The following CISD2 variants were observed in gnomAD, a reference collection of about 807,000 sequenced individuals.
CISD2 encodes CDGSH iron sulfur domain 2.
In CISD2, 1 loss-of-function variant was observed where a neutral mutation model predicts 12.9. The observed-to-expected ratio is 0.08, with a 90% confidence interval of 0.03 to 0.37. CISD2 has a LOEUF of 0.37. Ranked by LOEUF, CISD2 falls within the 10% of genes least tolerant of loss-of-function variation. The pLI is 0.99. For missense variants in CISD2, 97 were observed against 163.1 expected (o/e 0.59, Z 2.21); for synonymous variants, 50 against 60.6 (o/e 0.83, Z 0.81).
chr4:102,885,251 G>A lies in CISD2; in HGVS notation c.139G>A (p.Val47Ile). The A allele has an allele frequency of 1.9e-6, 3 of 1,614,062 alleles. No homozygotes were observed. Among genetic ancestry groups the A allele is most frequent in the Non-Finnish European group, 2.5e-6 (3 of 1,179,964 alleles). ...EWLRLLPFLG[V>I]LALLGYLAVR... ...GCTTCGGTTATTGCCTTTCCTTGGTGTACTCGCACTTCTTGGCTACCTTGC... is the reference window on the plus strand; with the variant it reads ...GCTTCGGTTATTGCCTTTCCTTGGTATACTCGCACTTCTTGGCTACCTTGC... Residue 47 changes from valine (V) to isoleucine (I), a missense_variant, in exon 2 of 3, where the codon GTA (valine) becomes ATA (isoleucine). Physicochemically the swap from Val to Ile is conservative, Grantham distance 29 (BLOSUM62 3). Around this residue, in one of 2 missense-constraint regions of CISD2, gnomAD observed 89 missense variants for 114.4 expected, o/e 0.78. Transcript: ENST00000273986.
chr4:102,869,093 G>A lies in CISD2; in HGVS notation c.9G>A (p.Leu3=). The A allele has an allele frequency of 6.2e-7, 1 of 1,611,004 alleles. No homozygotes were observed. Among genetic ancestry groups the A allele is most frequent in the Non-Finnish European group, 8.5e-7 (1 of 1,178,898 alleles). ...GGACGCCGCTGGCCAGGATGGTGCT[G>A]GAGAGCGTGGCCCGTATCGTGAAGG... is the stretch of plus-strand genomic sequence containing the variant. MV[L]ESVARIVKVQ... is the part of the protein sequence containing the mutation. Residue 3 remains leucine (L), a synonymous_variant, in exon 1 of 3, where the codon CTG becomes CTA. Coordinates refer to ENST00000273986, the MANE Select transcript of CISD2 (RefSeq NM_001008388.5).
rs1734262512 is a variant in CISD2, at chr4:102,891,848, A to G, written c.*4418A>G. The G allele has an allele frequency of 6.6e-6, 1 of 152,210 alleles. No homozygotes were observed. 9.4% of individuals were successfully genotyped at this position (152,210 alleles called of 1,614,324 possible). On this transcript the variant is annotated 3_prime_UTR_variant, in exon 3 of 3. Transcript: ENST00000273986. ...ATTAAAAATCATGTTTAAAAACCAC[A>G]TGTGCAGCAGTTCTGTGACTCCCTC...
chr4:102,875,569 G>A (rs1484777930), intron 1 of CISD2, among the ~76,000 whole-genome samples: 1 of 152,160 alleles, frequency 6.6e-6, no homozygotes, highest in Non-Finnish European at 1.5e-5. Flanking sequence ...TTATTCATAA[G>A]CCATGAACAA....
chr4:102,871,484 T>G (rs1440630024), intron 1 of CISD2, among the ~76,000 whole-genome samples: 1 of 152,204 alleles, frequency 6.6e-6, no homozygotes, highest in Non-Finnish European at 1.5e-5. Context: ...CTCATTTTAT[T>G]GCTGGTTTAT....
intron 1 of CISD2, among the ~76,000 whole-genome samples, chr4:102,883,806 T>C (rs972008851): frequency 6.6e-6 from 1 of 152,246 alleles, no homozygotes; most frequent in African/African-American, 2.4e-5. Context: ...TTTTTGCCCA[T>C]ATAGCATTGT....
chr4:102,886,599 ATTTATT>A (rs1386737759), intron 2 of CISD2, among the ~76,000 whole-genome samples: 1 of 152,082 alleles, frequency 6.6e-6, no homozygotes, highest in African/African-American at 2.4e-5. Context: ...ATTTTTTAAA[ATTTATT>A]TTTATTTATT....
Position 102,885,327 on chromosome 4 carries a change from A to G in CISD2, c.215A>G (p.Asn72Ser). Residue 72 changes from asparagine to serine, a missense_variant, in exon 2 of 3, where the codon AAT becomes AGT. Physicochemically the swap from Asn to Ser is conservative, Grantham distance 46 (BLOSUM62 1). Transcript: ENST00000273986. ...AAACAACAGAAGGATAGCTTGATTA[A>G]TCTTAAAATACAAAAGGAAAATCCG... ...KKKQQKDSLI[N>S]LKIQKENPKV... The G allele has an allele frequency of 6.2e-7, 1 of 1,614,074 alleles. No homozygotes were observed. Among genetic ancestry groups the G allele is most frequent in the Non-Finnish European group, 8.5e-7 (1 of 1,179,920 alleles).
chr4:102,884,203 A>G (rs1733799937), intron 1 of CISD2, among the ~76,000 whole-genome samples: 1 of 152,200 alleles, frequency 6.6e-6, no homozygotes, highest in African/African-American at 2.4e-5. Flanking sequence ...GTTTTCTCAC[A>G]TGTAAAATGG....
rs1578322936 is a variant in CISD2, at chr4:102,892,604, C to G, written c.*5174C>G. 6.6e-6 allele frequency: 1 copy of G among 152,266 alleles called. No homozygotes were observed. Among genetic ancestry groups the G allele is most frequent in the Non-Finnish European group, 1.5e-5 (1 of 68,028 alleles). 9.4% of individuals were successfully genotyped at this position (152,266 alleles called of 1,614,324 possible). A position where few individuals can be genotyped will look rare whatever the true frequency, so the allele number is the denominator to read the frequency against. On this transcript the variant is annotated 3_prime_UTR_variant, in exon 3 of 3. Coordinates refer to ENST00000273986, the MANE Select transcript of CISD2 (RefSeq NM_001008388.5). ...CTTACAAAACTTCTGTTTTGAACAACTATGGTGAGAAAGTATATTTGTGAT... is the reference window on the plus strand; with the variant it reads ...CTTACAAAACTTCTGTTTTGAACAAGTATGGTGAGAAAGTATATTTGTGAT...
Position 102,890,840 on chromosome 4 carries a change from T to A in CISD2, c.*3410T>A, listed in dbSNP as rs868808635. On this transcript the variant is annotated 3_prime_UTR_variant, in exon 3 of 3. Coordinates refer to ENST00000273986, the MANE Select transcript of CISD2 (RefSeq NM_001008388.5). ...GGGCAACAGAAGTGAAACCCTATCT[T>A]AAAAAAAAAAAAAGTCTTTTTTTTT... 5 of 76,200 alleles carry A rather than the reference T, an allele frequency of 6.6e-5. No individual in the cohort carries two copies. The highest frequency in any genetic ancestry group is 1.5e-4 in the Admixed American group (1 of 6,690). The allele number at this position is 76,200 out of a possible 1,614,324, so 4.7% of individuals were successfully genotyped here.
Position 102,892,688 on chromosome 4 carries a change from A to T in CISD2, c.*5258A>T, listed in dbSNP as rs534016541. The T allele has an allele frequency of 6.6e-6, 1 of 152,306 alleles. No individual in the cohort carries two copies. The highest frequency in any genetic ancestry group is 1.5e-5 in the Non-Finnish European group (1 of 68,018). The allele number at this position is 152,306 out of a possible 1,614,324, so 9.4% of individuals were successfully genotyped here. ...CAGCCATAATGTTAACACATTTCTG[A>T]TCTCTATTATAAGGCTGTAATTTTC... On this transcript the variant is annotated 3_prime_UTR_variant, in exon 3 of 3. Coordinates refer to ENST00000273986, the MANE Select transcript of CISD2 (RefSeq NM_001008388.5).
chr4:102,883,213 C>G (rs1241270381), intron 1 of CISD2, among the ~76,000 whole-genome samples: 1 of 152,204 alleles, frequency 6.6e-6, no homozygotes, highest in African/African-American at 2.4e-5. Flanking sequence ...CCCCCAACCA[C>G]CTCCTTTATC....
At chr4:102,876,812 C>T (rs958585497) in intron 1 of CISD2, among the ~76,000 whole-genome samples, 1 of 152,034 alleles carries the variant, frequency 6.6e-6, no homozygotes, top group African/African-American at 2.4e-5. Flanking sequence ...TTAGTTGACT[C>T]ACAGTTCTGC....
chr4:102,869,725 C>G (rs746363613), intron 1 of CISD2, among the ~76,000 whole-genome samples: 2 of 152,116 alleles, frequency 1.3e-5, no homozygotes, highest in Non-Finnish European at 2.9e-5. Context: ...TAGAATTGAC[C>G]TATCATAGGT....
At chr4:102,884,895 T>C (rs1431551536) in intron 1 of CISD2, among the ~76,000 whole-genome samples, 3 of 152,230 alleles carry the variant, frequency 2.0e-5, no homozygotes, top group Admixed American at 6.5e-5. Flanking sequence ...ATTTTGTTTA[T>C]AGTTATAGTG....
Position 102,889,007 on chromosome 4 carries a change from A to AT in CISD2, c.*1579dup, listed in dbSNP as rs1734087948. ...GGTAATCCTTCTAGAAATAAAACTA[A>AT]TTGTTATTGGGCACTTGTATGTACC... On this transcript the variant is annotated 3_prime_UTR_variant, in exon 3 of 3. Transcript: ENST00000273986. The AT allele has an allele frequency of 6.6e-6, 1 of 152,112 alleles. No individual in the cohort carries two copies. Among genetic ancestry groups the AT allele is most frequent in the South Asian group, 2.1e-4 (1 of 4,830 alleles). The allele number at this position is 152,112 out of a possible 1,614,324, so 9.4% of individuals were successfully genotyped here.
At position 102,885,445 on chromosome 4, in the gene CISD2, T is replaced by A; in HGVS notation, c.318+15T>A. 6.2e-7 allele frequency: 1 copy of A among 1,605,268 alleles called. No individual in the cohort carries two copies. Among genetic ancestry groups the A allele is most frequent in the Non-Finnish European group, 8.5e-7 (1 of 1,172,266 alleles). Reference sequence around the variant, plus strand: ...GTTCTAAAACGGTAAGATGTCTGTTTACGTGTACACTAAAATTTTGCAGTG... The same window carrying A: ...GTTCTAAAACGGTAAGATGTCTGTTAACGTGTACACTAAAATTTTGCAGTG... On this transcript the variant is annotated intron_variant, in intron 2 of 2. Transcript: ENST00000273986.
In CISD2 at chr4:102,885,257, G is replaced by A. The variant is rs757788592; in HGVS notation, c.145G>A (p.Ala49Thr). 2 of 1,614,032 alleles carry A rather than the reference G, an allele frequency of 1.2e-6. No individual in the cohort carries two copies. The highest frequency in any genetic ancestry group is 8.5e-7 in the Non-Finnish European group (1 of 1,179,962). ...LRLLPFLGVL[A>T]LLGYLAVRPF... is the part of the protein sequence containing the mutation. ...GTTATTGCCTTTCCTTGGTGTACTC[G>A]CACTTCTTGGCTACCTTGCAGTTCG... is the stretch of plus-strand genomic sequence containing the variant. The change falls in exon 2 of 3, where the codon GCA (alanine) becomes ACA (threonine). Residue 49 changes from alanine (A) to threonine (T), a missense_variant. This residue lies in a region of CISD2 where 89 missense variants were observed against 114.4 expected (regional missense o/e 0.78). Transcript: ENST00000273986.
rs1377271016 is a variant in CISD2, at chr4:102,889,816, C to A, written c.*2386C>A. 6.6e-6 allele frequency: 1 copy of A among 151,974 alleles called. No individual in the cohort carries two copies. Among genetic ancestry groups the A allele is most frequent in the Non-Finnish European group, 1.5e-5 (1 of 67,994 alleles). 9.4% of individuals were successfully genotyped at this position (151,974 alleles called of 1,614,324 possible). ...GTAAATTTACACAATTTTATCTTGT[C>A]CATCTTTAAAAAATAGACATCTAAT... On this transcript the variant is annotated 3_prime_UTR_variant, in exon 3 of 3. Coordinates refer to ENST00000273986, the MANE Select transcript of CISD2 (RefSeq NM_001008388.5).
Sources: allele counts gnomAD v4.1 joint callset (sites outside exome capture counted in the v4.1 genomes callset), GRCh38; gene constraint gnomAD v4.1.1; regional missense constraint gnomAD v4.1.1; transcripts MANE v1.5; gene names NCBI Gene and HGNC (gene_info 2026-07-23, HGNC 2026-07-21).